The following GRM8 variants were observed in gnomAD, a reference collection of about 807,000 sequenced individuals.
GRM8 encodes the protein glutamate metabotropic receptor 8.
Under a neutral mutation model 87.2 loss-of-function variants are expected in GRM8, and 47 were observed. That is an observed-to-expected ratio of 0.54 (90% CI 0.43 to 0.69). The LOEUF (loss-of-function observed/expected upper bound fraction) is 0.69. Among genes scored for constraint, GRM8 ranks in the 30% least tolerant of loss-of-function variants. The pLI, the probability that GRM8 is intolerant of heterozygous loss-of-function variation, is 0.00. For synonymous variants in GRM8, 396 were observed against 404.5 expected (o/e 0.98, Z 0.25); for missense variants, 1,019 against 1,139.2 (o/e 0.89, Z 1.52).
At chr7:126,996,148 C>T (rs1011136589) in intron 3 of GRM8, among the ~76,000 whole-genome samples, 1 of 151,926 alleles carries the variant, frequency 6.6e-6, no homozygotes, top group Non-Finnish European at 1.5e-5. Flanking sequence ...CTTTCCTAGA[C>T]AAACAAAAGC....
chr7:126,805,166 CCTT>C (rs1488693394), intron 6 of GRM8, among the ~76,000 whole-genome samples: 1 of 152,154 alleles, frequency 6.6e-6, no homozygotes, highest in Non-Finnish European at 1.5e-5. Context: ...CAGGACTTGA[CCTT>C]CTTAATGACT....
intron 9 of GRM8, among the ~76,000 whole-genome samples, chr7:126,492,958 A>G (rs573357384): frequency 1.3e-5 from 2 of 152,190 alleles, no homozygotes; most frequent in South Asian, 4.1e-4. Flanking sequence ...ACATATCAGT[A>G]TGGGCACCAG....
chr7:126,994,472 G>T (rs145587245), intron 3 of GRM8, among the ~76,000 whole-genome samples: 1,525 of 152,246 alleles, frequency 0.01, 21 homozygotes, highest in East Asian at 0.043. Flanking sequence ...CTATTGGATG[G>T]CACTTATAGA....
At chr7:126,953,874 C>T (rs900828456) in intron 3 of GRM8, among the ~76,000 whole-genome samples, 4 of 152,118 alleles carry the variant, frequency 2.6e-5, no homozygotes, top group Non-Finnish European at 2.9e-5. Flanking sequence ...TTATAATATG[C>T]ATTTCTACTT....
chr7:127,176,338 T>A (rs1794105966), intron 2 of GRM8, among the ~76,000 whole-genome samples: 1 of 152,196 alleles, frequency 6.6e-6, no homozygotes, highest in Non-Finnish European at 1.5e-5. Context: ...ACTATACCAA[T>A]AATCACTTTA....
chr7:127,101,930 A>G (rs936306459), intron 3 of GRM8, among the ~76,000 whole-genome samples: 1 of 152,306 alleles, frequency 6.6e-6, no homozygotes, highest in African/African-American at 2.4e-5. Flanking sequence ...CCAAAATGTT[A>G]ATAGTGATAT....
chr7:126,816,875 T>C (rs923385215), intron 6 of GRM8, among the ~76,000 whole-genome samples: 3 of 152,052 alleles, frequency 2.0e-5, no homozygotes, highest in Non-Finnish European at 2.9e-5. Context: ...TGGGCAATCT[T>C]TTTTATCCAT....
chr7:126,872,305 C>T (rs567497265), intron 6 of GRM8, among the ~76,000 whole-genome samples: 8 of 152,038 alleles, frequency 5.3e-5, no homozygotes, highest in South Asian at 2.1e-4. Flanking sequence ...GTGCTAAGAA[C>T]GTTTGAGAAG....
chr7:126,638,526 A>T (rs1802071582), intron 7 of GRM8, among the ~76,000 whole-genome samples: 1 of 152,182 alleles, frequency 6.6e-6, no homozygotes, highest in Non-Finnish European at 1.5e-5. Context: ...ATAGACAAGT[A>T]GGTTTATTTA....
At chr7:126,913,073 C>CT (rs1428023303) in intron 3 of GRM8, among the ~76,000 whole-genome samples, 4 of 152,234 alleles carry the variant, frequency 2.6e-5, no homozygotes, top group African/African-American at 9.6e-5. Context: ...ACAAAAATCT[C>CT]TATTAATAAT....
At chr7:126,544,138 G>A (rs949788955) in intron 8 of GRM8, among the ~76,000 whole-genome samples, 22 of 152,264 alleles carry the variant, frequency 1.4e-4, no homozygotes, top group African/African-American at 5.1e-4. Flanking sequence ...ATCTGTTGAT[G>A]TGTTTATTTC....
At chr7:126,752,355 C>T (rs183494393) in intron 7 of GRM8, among the ~76,000 whole-genome samples, 8 of 152,122 alleles carry the variant, frequency 5.3e-5, no homozygotes, top group African/African-American at 1.4e-4. Flanking sequence ...AGTTGTTATC[C>T]GATGTAGTTT....
intron 9 of GRM8, among the ~76,000 whole-genome samples, chr7:126,477,563 G>T (rs1356639106): frequency 2.1e-5 from 2 of 95,898 alleles, no homozygotes; most frequent in Admixed American, 1.2e-4. Flanking sequence ...AGAAGTAAGA[G>T]AAAGAAAGAA....
intron 7 of GRM8, among the ~76,000 whole-genome samples, chr7:126,624,909 G>GT (rs1800526123): frequency 1.3e-5 from 2 of 152,202 alleles, no homozygotes; most frequent in South Asian, 2.1e-4. Context: ...GGATTCCAGC[G>GT]TGAGTGCATG....
intron 2 of GRM8, among the ~76,000 whole-genome samples, chr7:127,226,065 T>A (rs1173182946): frequency 6.6e-6 from 1 of 152,214 alleles, no homozygotes; most frequent in Non-Finnish European, 1.5e-5. Flanking sequence ...CAGATCAACA[T>A]AAAAGCATCT....
At chr7:127,149,815 C>G (rs1828753481) in intron 2 of GRM8, among the ~76,000 whole-genome samples, 1 of 151,958 alleles carries the variant, frequency 6.6e-6, no homozygotes, top group Non-Finnish European at 1.5e-5. Flanking sequence ...GGAAAAAAAT[C>G]ACATGACCTC....
chr7:126,828,897 T>C (rs1025771968), intron 6 of GRM8, among the ~76,000 whole-genome samples: 1 of 152,218 alleles, frequency 6.6e-6, no homozygotes, highest in African/African-American at 2.4e-5. Context: ...TTCTGGTATG[T>C]TGTGTCTTTG....
At chr7:126,760,888 T>C (rs956977879) in intron 7 of GRM8, among the ~76,000 whole-genome samples, 1 of 152,124 alleles carries the variant, frequency 6.6e-6, no homozygotes, top group Non-Finnish European at 1.5e-5. Flanking sequence ...AATTTCTGTC[T>C]CATTTTCTAC....
intron 2 of GRM8, among the ~76,000 whole-genome samples, chr7:127,204,994 C>T (rs898528607): frequency 2.0e-5 from 3 of 152,162 alleles, no homozygotes; most frequent in African/African-American, 4.8e-5. Context: ...ACGCTGACAG[C>T]GGTCACACAG....
Sources: gnomAD v4.1 joint callset for allele counts (sites outside exome capture counted in the v4.1 genomes callset) on GRCh38, gnomAD v4.1.1 for gene constraint, MANE v1.5 for transcripts, NCBI Gene and HGNC (gene_info 2026-07-23, HGNC 2026-07-21) for gene names.